Variants in DOCK8 observed in about 807,000 individuals in gnomAD.
DOCK8 encodes the protein dedicator of cytokinesis 8, also known as dedicator of cytokinesis protein 8.
In DOCK8, 141 loss-of-function variants were observed where a neutral mutation model predicts 245.6. The ratio of observed to expected loss-of-function variants is 0.57; its 90% CI spans 0.50 to 0.66. The LOEUF (loss-of-function observed/expected upper bound fraction) is 0.66, where lower values mean the gene tolerates loss of function less well. DOCK8 is among the 30% of genes least tolerant of loss of function. The pLI is 0.00. For synonymous variants in DOCK8, 1,168 were observed against 970.2 expected (o/e 1.20, Z -3.79); for missense variants, 2,965 against 2,603.4 (o/e 1.14, Z -3.02).
At chr9:355,256 T>G (rs2052379738) in intron 14 of DOCK8, among the ~76,000 whole-genome samples, 2 of 143,036 alleles carry the variant, frequency 1.4e-5, no homozygotes, top group South Asian at 2.2e-4. Flanking sequence ...CAGGCTGGAG[T>G]GCAGTGGCAC....
intron 24 of DOCK8, among the ~76,000 whole-genome samples, 194 bp downstream of exon 24, chr9:390,760 T>C (rs1411359530): frequency 3.9e-5 from 6 of 152,108 alleles, no homozygotes; most frequent in African/African-American, 1.4e-4. Flanking sequence ...TCTATCGCCG[T>C]CCTGTGAGTT....
At chr9:267,275 A>G (rs1710568467) in intron 1 of DOCK8, among the ~76,000 whole-genome samples, 1 of 152,212 alleles carries the variant, frequency 6.6e-6, no homozygotes, top group Non-Finnish European at 1.5e-5. Flanking sequence ...GCATGAACAC[A>G]GTTCACTGTA....
At chr9:315,745 A>T (rs2050315560) in intron 6 of DOCK8, among the ~76,000 whole-genome samples, 1 of 152,210 alleles carries the variant, frequency 6.6e-6, no homozygotes, top group Non-Finnish European at 1.5e-5. Flanking sequence ...ATGGTTCTTC[A>T]TTGCATTGCT....
chr9:343,301 C>T (rs144485968), intron 14 of DOCK8, among the ~76,000 whole-genome samples: 12 of 152,122 alleles, frequency 7.9e-5, no homozygotes, highest in South Asian at 2.1e-4. Flanking sequence ...AAGATCAGCC[C>T]GGGCAACATA....
chr9:428,230 A>G (rs2056570660), intron 34 of DOCK8, 132 bp from the exon 35 acceptor site: 2 of 1,391,974 alleles, frequency 1.4e-6, no homozygotes, highest in African/African-American at 2.8e-5. Context: ...GATGATACCC[A>G]TGGTGGCTCA....
chr9:369,172 GAA>G (rs5895843), intron 15 of DOCK8: 312 of 150,532 alleles, frequency 2.1e-3, no homozygotes, highest in Non-Finnish European at 3.9e-3. Context: ...AAGAAAAAAA[GAA>G]AAAAAAAAAC....
intron 45 of DOCK8, among the ~76,000 whole-genome samples, chr9:450,301 C>T (rs1381551104): frequency 6.6e-6 from 1 of 152,182 alleles, no homozygotes; most frequent in Non-Finnish European, 1.5e-5. Flanking sequence ...GACTCACCTA[C>T]AAATGCCTAT....
At chr9:302,020 A>G (rs2049573476) in intron 4 of DOCK8, among the ~76,000 whole-genome samples, 1 of 152,170 alleles carries the variant, frequency 6.6e-6, no homozygotes, top group Admixed American at 6.5e-5. Context: ...TTCATGTGGA[A>G]CCAAAAAACC....
intron 2 of DOCK8, among the ~76,000 whole-genome samples, chr9:275,230 G>GGA (rs1420726591): frequency 6.6e-6 from 1 of 152,196 alleles, no homozygotes; most frequent in Non-Finnish European, 1.5e-5. Context: ...TTGGCACTAT[G>GGA]GAGACACTGT....
At chr9:325,457 A>C (rs924678017) in intron 7 of DOCK8, among the ~76,000 whole-genome samples, 1 of 152,226 alleles carries the variant, frequency 6.6e-6, no homozygotes, top group Non-Finnish European at 1.5e-5. Context: ...ATGCTTTTGT[A>C]ATGTCCACCA....
intron 29 of DOCK8, among the ~76,000 whole-genome samples, chr9:416,327 G>T (rs2056009739): frequency 6.6e-6 from 1 of 152,180 alleles, no homozygotes; most frequent in East Asian, 1.9e-4. Context: ...ATCCTTGATG[G>T]CAAGTTTCTA....
chr9:249,910 G>T (rs924729680), intron 1 of DOCK8, among the ~76,000 whole-genome samples: 2 of 152,066 alleles, frequency 1.3e-5, no homozygotes, highest in Admixed American at 1.3e-4. Context: ...TTACAGGCGT[G>T]AACTGCTGCA....
At chr9:346,225 C>T (rs1276700108) in intron 14 of DOCK8, among the ~76,000 whole-genome samples, 4 of 152,086 alleles carry the variant, frequency 2.6e-5, no homozygotes, top group African/African-American at 7.2e-5. Flanking sequence ...GCTCTGTGTC[C>T]AGATTAAGAA....
chr9:377,076 C>T lies in DOCK8; in HGVS notation c.2305C>T (p.Leu769=). ...VLDQKISEMA[L]EHELKLSIIC... Reference sequence around the variant, plus strand: ...GGATCAGAAAATCAGCGAGATGGCGCTGGAGCATGAGCTGAAGCTCAGCAT... The same window carrying T: ...GGATCAGAAAATCAGCGAGATGGCGTTGGAGCATGAGCTGAAGCTCAGCAT... The change falls in exon 20 of 48, where the codon CTG becomes TTG. Residue 769 remains leucine (L), a synonymous_variant. Transcript: ENST00000432829. The T allele has an allele frequency of 6.2e-7, 1 of 1,613,280 alleles. No individual in the cohort carries two copies.
intron 26 of DOCK8, among the ~76,000 whole-genome samples, chr9:404,008 A>G (rs889844829): frequency 5.2e-5 from 7 of 135,100 alleles, no homozygotes; most frequent in Non-Finnish European, 9.4e-5. Flanking sequence ...ATATATATAT[A>G]TATAGTTTAA....
chr9:265,227 C>T (rs527376433), intron 1 of DOCK8, among the ~76,000 whole-genome samples: 21 of 136,180 alleles, frequency 1.5e-4, no homozygotes, highest in Admixed American at 1.2e-3. Flanking sequence ...CCACCGTGCC[C>T]GGCCTAAACC....
At chr9:416,519 A>G (rs2056020243) in intron 29 of DOCK8, among the ~76,000 whole-genome samples, 1 of 152,232 alleles carries the variant, frequency 6.6e-6, no homozygotes, top group African/African-American at 2.4e-5. Flanking sequence ...GTTGAACTTT[A>G]TGATCATGAT....
chr9:361,839 A>G (rs1448620433), intron 14 of DOCK8, among the ~76,000 whole-genome samples: 6 of 152,158 alleles, frequency 3.9e-5, no homozygotes, highest in African/African-American at 1.2e-4. Flanking sequence ...ACTTTCCCAC[A>G]TCATTTTCTA....
chr9:452,881 A>G (rs2057511307), intron 46 of DOCK8: 1 of 152,258 alleles, frequency 6.6e-6, no homozygotes, highest in Non-Finnish European at 1.5e-5. Flanking sequence ...TTATTGCAAT[A>G]CAGACAGATA....
Sources: allele counts gnomAD v4.1 joint callset (sites outside exome capture counted in the v4.1 genomes callset), GRCh38; gene constraint gnomAD v4.1.1; transcripts MANE v1.5; gene names NCBI Gene and HGNC (gene_info 2026-07-23, HGNC 2026-07-21).